The following PTPRD variants were observed in gnomAD, a reference collection of about 807,000 sequenced individuals.
PTPRD encodes protein tyrosine phosphatase receptor type D, also known as receptor-type tyrosine-protein phosphatase delta.
Under a neutral mutation model 214.5 loss-of-function variants are expected in PTPRD, and 34 were observed. The observed-to-expected ratio is 0.16, with a 90% CI of 0.12 to 0.21. PTPRD has a LOEUF of 0.21. Among genes scored for constraint, PTPRD ranks in the 10% least tolerant of loss-of-function variants. PTPRD has a pLI of 1.00. For missense variants in PTPRD, 2,545 were observed against 2,398.7 expected (o/e 1.06, Z -1.27); for synonymous variants, 1,128 against 845.7 (o/e 1.33, Z -5.79).
intron 12 of PTPRD, among the ~76,000 whole-genome samples, chr9:8,708,121 C>T (rs1002282403): frequency 1.3e-5 from 2 of 152,312 alleles, no homozygotes; most frequent in South Asian, 2.1e-4. Context: ...AAAATGGATG[C>T]CGTGTATAAA....
chr9:8,588,086 T>G (rs2093810928), intron 14 of PTPRD, among the ~76,000 whole-genome samples: 1 of 152,208 alleles, frequency 6.6e-6, no homozygotes, highest in Admixed American at 6.5e-5. Context: ...TGTAATTGGT[T>G]TTAATTTAAG....
intron 11 of PTPRD, among the ~76,000 whole-genome samples, chr9:8,772,419 C>G (rs73425028): frequency 0.048 from 7,216 of 151,458 alleles, 439 homozygotes; most frequent in African/African-American, 0.14. Flanking sequence ...AAACCTCAAG[C>G]AGAAGAACTG....
intron 9 of PTPRD, among the ~76,000 whole-genome samples, chr9:9,232,780 G>A (rs1032351212): frequency 1.3e-5 from 2 of 152,056 alleles, no homozygotes; most frequent in African/African-American, 2.4e-5. Context: ...AAGGACATTG[G>A]AAAGCCTCAG....
At chr9:8,448,868 C>CAA (rs2095836337) in intron 34 of PTPRD, among the ~76,000 whole-genome samples, 1 of 152,172 alleles carries the variant, frequency 6.6e-6, no homozygotes, top group Non-Finnish European at 1.5e-5. Context: ...TGTGGGACAA[C>CAA]ACTGCAACCA....
Position 9,319,920 on chromosome 9 carries a change from C to T in PTPRD, c.-203+77529G>A, listed in dbSNP as rs575699406. Among the ~76,000 whole-genome samples the T allele has an allele frequency of 5.3e-5, 8 of 152,152 alleles. No homozygotes were observed. In the South Asian group the frequency reaches 1.7e-3, roughly 32 times the overall value. ...AAGTAACTGCATGGTTACATAAAGT[C>T]CTTTTTTAACAATAGTAAAGTGAAA... On this transcript the variant is annotated intron_variant, in intron 9 of 45. Transcript: ENST00000381196.
chr9:10,250,108 A>G (rs2092630351), intron 3 of PTPRD, among the ~76,000 whole-genome samples: 1 of 152,174 alleles, frequency 6.6e-6, no homozygotes, highest in Non-Finnish European at 1.5e-5. Context: ...CAAAGTACTT[A>G]GTATGTATTA....
chr9:9,500,946 ATAAGT>A (rs1292098423), intron 8 of PTPRD, among the ~76,000 whole-genome samples: 1 of 152,022 alleles, frequency 6.6e-6, no homozygotes, highest in African/African-American at 2.4e-5. Flanking sequence ...GTACACACTG[ATAAGT>A]TAAGGATAAA....
Position 10,436,613 on chromosome 9 carries a change from A to T in PTPRD, c.-599-95596T>A, listed in dbSNP as rs568708988. ...CTTACACACACACATATACACACAC[A>T]CCCCTACACATATGTATATAATGCA... On this transcript the variant is annotated intron_variant, in intron 2 of 45. Coordinates refer to ENST00000381196, the MANE Select transcript of PTPRD (RefSeq NM_002839.4). Among the ~76,000 whole-genome samples, 81 of 151,594 alleles carry T rather than the reference A, an allele frequency of 5.3e-4. 1 individual carries two copies. In the South Asian group the frequency reaches 0.017, roughly 31 times the overall value.
intron 3 of PTPRD, among the ~76,000 whole-genome samples, chr9:10,155,240 C>T (rs550030848): frequency 1.3e-5 from 2 of 152,054 alleles, no homozygotes; most frequent in East Asian, 1.9e-4. Context: ...TGATTTGGTT[C>T]TCAGTTTGAC....
intron 2 of PTPRD, among the ~76,000 whole-genome samples, chr9:10,559,574 A>ATC (rs1216721636): frequency 5.9e-5 from 9 of 152,166 alleles, no homozygotes; most frequent in Non-Finnish European, 1.2e-4. Context: ...TAATTAAACT[A>ATC]AAGAGCTTCT....
chr9:9,050,556 A>T (rs1403529408), intron 10 of PTPRD, among the ~76,000 whole-genome samples: 4 of 152,160 alleles, frequency 2.6e-5, no homozygotes, highest in Admixed American at 6.5e-5. Context: ...TGCAGTTTGA[A>T]CATATTAAAT....
chr9:10,430,320 A>G (rs1421196892), intron 2 of PTPRD, among the ~76,000 whole-genome samples: 2 of 152,006 alleles, frequency 1.3e-5, no homozygotes, highest in African/African-American at 2.4e-5. Context: ...AAAGAAATTA[A>G]AACTAATTAA....
intron 7 of PTPRD, among the ~76,000 whole-genome samples, chr9:9,711,790 A>C (rs2097736956): frequency 6.6e-6 from 1 of 152,176 alleles, no homozygotes; most frequent in Non-Finnish European, 1.5e-5. Context: ...AGAGACCGAA[A>C]AACTCTGCCT....
At position 10,543,572 on chromosome 9, in the gene PTPRD, G is replaced by A. The variant is rs185338273; in HGVS notation, c.-600+68826C>T. Among the ~76,000 whole-genome samples the A allele has an allele frequency of 3.3e-5, 5 of 151,926 alleles. No homozygotes were observed. The East Asian group carries it at 7.8e-4, about 24-fold the overall frequency. ...TAAATATATGTTTATGACCACAGAT[G>A]TGTTCCTGATCTATCAGCATTATTG... On this transcript the variant is annotated intron_variant, in intron 2 of 45. Transcript: ENST00000381196.
intron 11 of PTPRD, among the ~76,000 whole-genome samples, chr9:8,744,458 G>A (rs189043961): frequency 1.3e-3 from 193 of 152,296 alleles, no homozygotes; most frequent in African/African-American, 4.3e-3. Flanking sequence ...CACGGAATAT[G>A]ACTAAGCCAT....
intron 12 of PTPRD, among the ~76,000 whole-genome samples, chr9:8,697,534 T>C (rs2097947992): frequency 6.7e-6 from 1 of 149,308 alleles, no homozygotes; most frequent in Admixed American, 6.8e-5. Context: ...GCAATGCTCC[T>C]GCCTCAGCCT....
chr9:9,691,139 G>A (rs1295295291), intron 7 of PTPRD, among the ~76,000 whole-genome samples: 8 of 151,704 alleles, frequency 5.3e-5, no homozygotes, highest in Admixed American at 2.0e-4. Context: ...ATTATCCTTT[G>A]TGTTTTAAAC....
At chr9:9,427,513 A>G (rs200375340) in intron 8 of PTPRD, among the ~76,000 whole-genome samples, 1 of 149,712 alleles carries the variant, frequency 6.7e-6, no homozygotes, top group Admixed American at 6.6e-5. Context: ...AGGAGAACTT[A>G]CCCAACCTAG....
chr9:9,917,317 A>T (rs2081176123), intron 5 of PTPRD, among the ~76,000 whole-genome samples: 1 of 148,840 alleles, frequency 6.7e-6, no homozygotes, highest in Non-Finnish European at 1.5e-5. Context: ...AAAAAAAAAA[A>T]AAAAAAGAGA....
Sources: allele counts gnomAD v4.1 joint callset (sites outside exome capture counted in the v4.1 genomes callset), GRCh38; gene constraint gnomAD v4.1.1; transcripts MANE v1.5; gene names NCBI Gene and HGNC (gene_info 2026-07-23, HGNC 2026-07-21).